CFAP61: variants seen among roughly 807,000 people sequenced by gnomAD.
The protein encoded by CFAP61 is cilia and flagella associated protein 61.
Under a neutral mutation model 135.6 loss-of-function variants are expected in CFAP61, and 107 were observed. The observed-to-expected ratio is 0.79, with a 90% CI of 0.67 to 0.93. The LOEUF (loss-of-function observed/expected upper bound fraction) is 0.93, where lower values mean the gene tolerates loss of function less well. Among genes scored for constraint, CFAP61 ranks in the 40% least tolerant of loss-of-function variants. CFAP61 has a pLI of 0.00. For synonymous variants in CFAP61, 575 were observed against 578.5 expected, an observed-to-expected ratio of 0.99 and a Z score of 0.09; for missense variants, 1,507 against 1,556.2, an observed-to-expected ratio of 0.97 and a Z score of 0.53.
intron 25 of CFAP61, among the ~76,000 whole-genome samples, chr20:20,304,272 C>CTGTGTG (rs532157100): frequency 0.073 from 7,495 of 102,780 alleles, 319 homozygotes; most frequent in African/African-American, 0.097. Context: ...CCATCGGTGA[C>CTGTGTG]TGTGTGTGTG....
At chr20:20,226,653 C>T (rs1435862693) in intron 17 of CFAP61, among the ~76,000 whole-genome samples, 1 of 152,168 alleles carries the variant, frequency 6.6e-6, no homozygotes, top group African/African-American at 2.4e-5. Flanking sequence ...GGCATGATGA[C>T]CATAGCCATT....
chr20:20,195,799 GC>G (rs1217473340), intron 15 of CFAP61, among the ~76,000 whole-genome samples: 1 of 152,184 alleles, frequency 6.6e-6, no homozygotes, highest in Non-Finnish European at 1.5e-5. Context: ...ATGATATGGG[GC>G]CAGGCATGGT....
intron 25 of CFAP61, among the ~76,000 whole-genome samples, chr20:20,336,118 G>A (rs920910806): frequency 2.0e-5 from 3 of 152,160 alleles, no homozygotes; most frequent in African/African-American, 7.2e-5. Flanking sequence ...TGTGCCTCCA[G>A]CATGAAGCTA....
chr20:20,165,736 G>C (rs1430582458), intron 11 of CFAP61, among the ~76,000 whole-genome samples: 1 of 152,136 alleles, frequency 6.6e-6, no homozygotes, highest in African/African-American at 2.4e-5. Context: ...CCTCTTCAGA[G>C]GATCTGTTTA....
At chr20:20,246,427 G>A (rs117267215) in intron 19 of CFAP61, among the ~76,000 whole-genome samples, 1,879 of 152,334 alleles carry the variant, frequency 0.012, 18 homozygotes, top group Middle Eastern at 0.051. Context: ...GTTTCTATCC[G>A]TGGGAAGACA....
chr20:20,224,999 GT>G (rs1254047815), intron 17 of CFAP61, among the ~76,000 whole-genome samples: 6 of 152,174 alleles, frequency 3.9e-5, no homozygotes, highest in African/African-American at 1.4e-4. Flanking sequence ...TTTGGCAGAT[GT>G]TCAGAGGGAG....
chr20:20,056,751 A>G lies in CFAP61; in HGVS notation c.98A>G (p.Lys33Arg), dbSNP rs151114871. 6.2e-7 allele frequency: 1 copy of G among 1,614,074 alleles called. No individual in the cohort carries two copies. Among genetic ancestry groups the G allele is most frequent in the African/African-American group, 1.3e-5 (1 of 75,040 alleles). ...TATTGTATCAAAAGCCTTATTAGAA[A>G]ATTTACCTGCAAGCTGTTTGGGAAG... Reference protein sequence around the residue: ...DVYCIKSLIRKFTCKLFGKLN... With the variant: ...DVYCIKSLIRRFTCKLFGKLN... Residue 33 changes from lysine to arginine, a missense_variant, in exon 2 of 27, where the codon AAA (lysine) becomes AGA (arginine). Physicochemically the swap from Lys to Arg is conservative, Grantham distance 26. Coordinates refer to ENST00000245957, the MANE Select transcript of CFAP61 (RefSeq NM_015585.4).
intron 9 of CFAP61, among the ~76,000 whole-genome samples, chr20:20,145,318 C>T (rs983084789): frequency 6.6e-6 from 1 of 152,116 alleles, no homozygotes; most frequent in Non-Finnish European, 1.5e-5. Context: ...GCTATAATAT[C>T]ACCTAATGAC....
rs1444227149 is a variant in CFAP61, at chr20:20,359,349, T to G, written c.3514-861T>G. The stretch of plus-strand genomic sequence containing the variant: ...GTAAAAAGGTTTAATCACTCCTTTT[T>G]TTTATTTTTAAATTTTTTTATTTTT... On this transcript the variant is annotated intron_variant, in intron 26 of 26. Transcript: ENST00000245957. This position sits in a 1 kb window ranked among gnomAD's most constrained non-coding sequence, Gnocchi z 4.0. 6.6e-6 allele frequency among the ~76,000 whole-genome samples: 1 copy of G among 151,990 alleles called. No individual in the cohort carries two copies. Among genetic ancestry groups the G allele is most frequent in the Non-Finnish European group, 1.5e-5 (1 of 67,982 alleles).
At chr20:20,055,808 G>C in intron 1 of CFAP61, 1 of 658,266 alleles carries the variant, frequency 1.5e-6, no homozygotes, top group Non-Finnish European at 2.7e-6. Flanking sequence ...CTCCTTCATT[G>C]TTTTCCCTGT....
In CFAP61 at chr20:20,081,853, G is replaced by A. The variant is rs558174009; in HGVS notation, c.566+6238G>A. On this transcript the variant is annotated intron_variant, in intron 6 of 26. Coordinates refer to ENST00000245957, the MANE Select transcript of CFAP61 (RefSeq NM_015585.4). ...GAATGATAGCAAAGAGGTGACAGTG[G>A]GTACTTTGCAGTGAGGAAGGGATGT... Among the ~76,000 whole-genome samples, 4 of 152,310 alleles carry A rather than the reference G, an allele frequency of 2.6e-5. No individual in the cohort carries two copies. The East Asian group carries it at 7.7e-4, about 29-fold the overall frequency.
chr20:20,097,906 T>A (rs1188627688), intron 7 of CFAP61, among the ~76,000 whole-genome samples: 1 of 152,182 alleles, frequency 6.6e-6, no homozygotes, highest in African/African-American at 2.4e-5. Flanking sequence ...GAACTTTCTC[T>A]GTACTGGGGG....
chr20:20,304,758 G>A (rs1601915421), intron 25 of CFAP61, among the ~76,000 whole-genome samples: 1 of 152,038 alleles, frequency 6.6e-6, no homozygotes, highest in Non-Finnish European at 1.5e-5. Flanking sequence ...TGGGGAAATG[G>A]GAGCTGTGGG....
intron 3 of CFAP61, among the ~76,000 whole-genome samples, chr20:20,071,239 C>T (rs943050733): frequency 4.6e-5 from 7 of 152,170 alleles, no homozygotes; most frequent in Non-Finnish European, 8.8e-5. Context: ...TCGTGCTTCA[C>T]TAATGACGGC....
intron 26 of CFAP61, among the ~76,000 whole-genome samples, chr20:20,349,954 C>G (rs1190006319): frequency 6.6e-6 from 1 of 152,150 alleles, no homozygotes; most frequent in African/African-American, 2.4e-5. Flanking sequence ...GAAAAAAGAA[C>G]AGAGTTGAAG....
At chr20:20,139,974 T>C (rs1198147329) in intron 8 of CFAP61, among the ~76,000 whole-genome samples, 3 of 152,144 alleles carry the variant, frequency 2.0e-5, no homozygotes, top group Non-Finnish European at 4.4e-5. Flanking sequence ...TTGTAATACA[T>C]TAAAATAGGT....
At chr20:20,313,213 T>C (rs1308572107) in intron 25 of CFAP61, among the ~76,000 whole-genome samples, 2 of 152,206 alleles carry the variant, frequency 1.3e-5, no homozygotes, top group Admixed American at 1.3e-4. Flanking sequence ...CTCTCTGTCA[T>C]GTGAGGACAC....
intron 16 of CFAP61, 54 bp from the exon 17 acceptor site, chr20:20,199,714 G>A: frequency 8.7e-6 from 14 of 1,606,934 alleles, no homozygotes; most frequent in Non-Finnish European, 1.2e-5. Context: ...GCAGACATCT[G>A]TGCTGAGCCT....
chr20:20,143,608 G>T (rs1003670107), intron 9 of CFAP61, among the ~76,000 whole-genome samples: 5 of 152,196 alleles, frequency 3.3e-5, no homozygotes, highest in Non-Finnish European at 5.9e-5. Context: ...TGTAACAAAG[G>T]CCAGCGATGC....
Sources: allele counts gnomAD v4.1 joint callset (sites outside exome capture counted in the v4.1 genomes callset), GRCh38; gene constraint gnomAD v4.1.1; non-coding constraint Gnocchi (gnomAD v3.1); transcripts MANE v1.5; gene names NCBI Gene and HGNC (gene_info 2026-07-23, HGNC 2026-07-21).